The following WDR7 variants were observed in gnomAD, a reference collection of about 807,000 sequenced individuals.
The protein encoded by WDR7 is WD repeat-containing protein 7.
A neutral mutation model predicts 169.4 loss-of-function variants in WDR7; 46 were observed. The observed-to-expected ratio is 0.27, with a 90% confidence interval of 0.21 to 0.35. The LOEUF is 0.35. Ranked by LOEUF, WDR7 falls within the 10% of genes least tolerant of loss-of-function variation. WDR7 has a pLI of 1.00. For missense variants in WDR7, 1,534 were observed against 1,859.3 expected, an observed-to-expected ratio of 0.83 and a Z score of 3.22; for synonymous variants, 612 against 666.8, an observed-to-expected ratio of 0.92 and a Z score of 1.27.
chr18:56,924,222 A>G, intron 22 of WDR7, 114 bp downstream of exon 22: 1 of 1,196,528 alleles, frequency 8.4e-7, no homozygotes. Context: ...GATAAAAAAT[A>G]CACAAATGTT....
chr18:56,911,796 T>C (rs1056917716), intron 21 of WDR7, among the ~76,000 whole-genome samples: 2 of 152,224 alleles, frequency 1.3e-5, no homozygotes, highest in Admixed American at 6.5e-5. Flanking sequence ...CTTATGTGAA[T>C]TATTTAAAAG....
intron 25 of WDR7, among the ~76,000 whole-genome samples, chr18:56,948,104 A>G (rs894344704): frequency 1.3e-5 from 2 of 152,100 alleles, no homozygotes; most frequent in African/African-American, 2.4e-5. Context: ...AAAATTAGAT[A>G]TGCCTCTAGA....
In WDR7 at chr18:56,691,717, G is replaced by C. The variant is rs760804845; in HGVS notation, c.866G>C (p.Cys289Ser). 2 of 1,606,462 alleles carry C rather than the reference G, an allele frequency of 1.2e-6. No individual in the cohort carries two copies. Among genetic ancestry groups the C allele is most frequent in the Middle Eastern group, 1.9e-4 (1 of 5,300 alleles). Residue 289 changes from cysteine to serine, a missense_variant and splice_region_variant, in exon 9 of 28, where the codon TGC becomes TCC. Coordinates refer to ENST00000254442, the MANE Select transcript of WDR7 (RefSeq NM_015285.3). ...QSYIYKLPAS[C>S]LPASDSFRSD... is the part of the protein sequence containing the mutation. ...TATTGTATTTTTCCCATATTCAGTTGCCTTCCAGCTAGTGATTCATTCCGC... is the reference window on the plus strand; with the variant it reads ...TATTGTATTTTTCCCATATTCAGTTCCCTTCCAGCTAGTGATTCATTCCGC...
At chr18:56,684,701 C>T (rs1409391812) in intron 5 of WDR7, among the ~76,000 whole-genome samples, 1 of 152,140 alleles carries the variant, frequency 6.6e-6, no homozygotes. Context: ...CGCTGTTCTT[C>T]AGAGTGTTGG....
intron 20 of WDR7, among the ~76,000 whole-genome samples, chr18:56,852,656 A>G (rs1248826663): frequency 6.6e-6 from 1 of 152,172 alleles, no homozygotes; most frequent in Non-Finnish European, 1.5e-5. Flanking sequence ...GGGCCACGTT[A>G]GTATAAAGGC....
chr18:57,015,507 T>C (rs987001364), intron 26 of WDR7, among the ~76,000 whole-genome samples: 2 of 152,228 alleles, frequency 1.3e-5, no homozygotes, highest in Non-Finnish European at 2.9e-5. Flanking sequence ...TGGCTCTTTT[T>C]TGATGAGCCT....
At chr18:56,948,547 T>A (rs1202977801) in intron 25 of WDR7, among the ~76,000 whole-genome samples, 1 of 152,228 alleles carries the variant, frequency 6.6e-6, no homozygotes, top group Non-Finnish European at 1.5e-5. Context: ...ATGTGTTTAG[T>A]CCTTAATTTC....
intron 19 of WDR7, among the ~76,000 whole-genome samples, chr18:56,804,447 TA>T (rs1163017965): frequency 6.6e-6 from 1 of 152,154 alleles, no homozygotes; most frequent in African/African-American, 2.4e-5. Flanking sequence ...TTGAGAAACA[TA>T]AAAAACGTGT....
chr18:56,703,734 T>C (rs1344174968), intron 12 of WDR7, among the ~76,000 whole-genome samples: 1 of 152,098 alleles, frequency 6.6e-6, no homozygotes, highest in East Asian at 1.9e-4. Context: ...ACTAAGAATA[T>C]TCCTACAACA....
intron 26 of WDR7, among the ~76,000 whole-genome samples, chr18:57,017,606 A>G (rs2048226720): frequency 6.6e-6 from 1 of 152,152 alleles, no homozygotes; most frequent in Non-Finnish European, 1.5e-5. Flanking sequence ...GACTTCAACA[A>G]CAACAAATGA....
At chr18:56,899,972 T>C (rs2046378573) in intron 21 of WDR7, among the ~76,000 whole-genome samples, 2 of 151,598 alleles carry the variant, frequency 1.3e-5, no homozygotes, top group Non-Finnish European at 2.9e-5. Context: ...TGATTTATGC[T>C]CCAAACCTGT....
Position 56,986,230 on chromosome 18 carries a change from A to G in WDR7, c.4164+23701A>G, listed in dbSNP as rs149931977. ...CTGAACTAGGGTCTGTTTCCAAAAC[A>G]TCTACTGTAATACTGATAGCGATAT... On this transcript the variant is annotated intron_variant, in intron 26 of 27. Transcript: ENST00000254442. Among the ~76,000 whole-genome samples, 1,186 of 151,720 alleles carry G rather than the reference A, an allele frequency of 7.8e-3. 14 individuals carry two copies. Among genetic ancestry groups the G allele is most frequent in the African/African-American group, 0.025 (1,020 of 41,322 alleles).
intron 26 of WDR7, among the ~76,000 whole-genome samples, chr18:56,996,950 G>A (rs1615483): frequency 0.62 from 93,477 of 151,780 alleles, 29,296 homozygotes; most frequent in Middle Eastern, 0.72. Context: ...AATATACTAA[G>A]AAGAAGAAAA....
chr18:56,743,396 AG>A (rs2043649070), intron 14 of WDR7, among the ~76,000 whole-genome samples: 1 of 152,126 alleles, frequency 6.6e-6, no homozygotes, highest in South Asian at 2.1e-4. Context: ...TTAAGGGAGG[AG>A]GAAAAGGAAA....
intron 26 of WDR7, among the ~76,000 whole-genome samples, chr18:57,019,954 A>G (rs754126700): frequency 1.7e-4 from 26 of 152,224 alleles, no homozygotes; most frequent in Non-Finnish European, 3.4e-4. Flanking sequence ...GATTAATACA[A>G]TATTATGCTA....
At chr18:56,792,596 A>T in intron 19 of WDR7, among the ~76,000 whole-genome samples, 1 of 147,154 alleles carries the variant, frequency 6.8e-6, no homozygotes. Context: ...GTATTTCTTT[A>T]GGCTTTTAAA....
chr18:57,009,838 G>A (rs1222974623), intron 26 of WDR7: 4 of 985,176 alleles, frequency 4.1e-6, no homozygotes, highest in Non-Finnish European at 4.8e-6. Flanking sequence ...GTGTCACCAG[G>A]CACTATACCA....
intron 26 of WDR7, among the ~76,000 whole-genome samples, chr18:57,000,615 C>T (rs1427294898): frequency 6.6e-6 from 1 of 152,174 alleles, no homozygotes; most frequent in African/African-American, 2.4e-5. Flanking sequence ...TTACTCTCTA[C>T]TCACAAGCCT....
At chr18:57,021,271 G>C (rs2048285706) in intron 27 of WDR7, among the ~76,000 whole-genome samples, 1 of 152,168 alleles carries the variant, frequency 6.6e-6, no homozygotes, top group Non-Finnish European at 1.5e-5. Flanking sequence ...TGCATGAGTA[G>C]CCGTGAGCAA....
Sources: gnomAD v4.1 joint callset for allele counts (sites outside exome capture counted in the v4.1 genomes callset) on GRCh38, gnomAD v4.1.1 for gene constraint, MANE v1.5 for transcripts, NCBI Gene and HGNC (gene_info 2026-07-23, HGNC 2026-07-21) for gene names.